The following PITPNM2 variants were observed in gnomAD, a reference collection of about 807,000 sequenced individuals.
The protein encoded by PITPNM2 is membrane-associated phosphatidylinositol transfer protein 2.
A neutral mutation model predicts 132.2 loss-of-function variants in PITPNM2; 35 were observed. The observed-to-expected ratio is 0.26, with a 90% CI of 0.20 to 0.35. PITPNM2 has a LOEUF of 0.35. Ranked by LOEUF, PITPNM2 falls within the 10% of genes least tolerant of loss-of-function variation. The probability of loss-of-function intolerance (pLI) is 1.00; values close to 1 mark genes in which losing one functional copy is unlikely to be tolerated. For synonymous variants in PITPNM2, 738 were observed against 799.2 expected (o/e 0.92, Z 1.29); for missense variants, 1,332 against 1,912.0 (o/e 0.70, Z 5.66).
intron 1 of PITPNM2, among the ~76,000 whole-genome samples, chr12:123,141,713 G>A (rs779314598): frequency 7.2e-5 from 11 of 152,124 alleles, no homozygotes; most frequent in Non-Finnish European, 1.6e-4. Flanking sequence ...AGGCCACCAA[G>A]ACAAACCTGA....
chr12:123,140,329 C>A (rs1370691651), intron 1 of PITPNM2, among the ~76,000 whole-genome samples: 1 of 152,198 alleles, frequency 6.6e-6, no homozygotes, highest in African/African-American at 2.4e-5. Context: ...AAAGTGGGCA[C>A]CCCCAGAGGA....
chr12:123,074,130 G>T (rs533843270), intron 2 of PITPNM2, among the ~76,000 whole-genome samples: 7 of 152,354 alleles, frequency 4.6e-5, no homozygotes, highest in African/African-American at 1.2e-4. Flanking sequence ...TTCTGGTTCT[G>T]CCTTCACAGG....
chr12:122,989,331 C>T (rs2038082914), intron 18 of PITPNM2, among the ~76,000 whole-genome samples: 1 of 152,168 alleles, frequency 6.6e-6, no homozygotes, highest in African/African-American at 2.4e-5. Flanking sequence ...ACCTGGGCCA[C>T]CCTACGAGCC....
chr12:123,106,582 GT>G lies in PITPNM2; in HGVS notation c.-96+3802del, dbSNP rs752087053. Among the ~76,000 whole-genome samples, 1 of 152,196 alleles carries G rather than the reference GT, an allele frequency of 6.6e-6. No individual in the cohort carries two copies. Among genetic ancestry groups the G allele is most frequent in the Non-Finnish European group, 1.5e-5 (1 of 68,028 alleles). On this transcript the variant is annotated intron_variant, in intron 2 of 25. Transcript: ENST00000320201. This position sits in a 1 kb window ranked among gnomAD's most constrained non-coding sequence, Gnocchi z 4.4. ...AGCCCTGCGTACTGAGCAGCGTCAG[GT>G]GTGTGTCAAAGAACCATATCAATAA... is the stretch of plus-strand genomic sequence containing the variant.
chr12:123,114,508 G>A (rs535056726), intron 1 of PITPNM2, among the ~76,000 whole-genome samples: 48 of 149,650 alleles, frequency 3.2e-4, no homozygotes, highest in African/African-American at 9.4e-4. Context: ...GCCCAGTAAC[G>A]CCAGGAAATG....
At chr12:123,002,962 C>T (rs1247113375) in intron 8 of PITPNM2, among the ~76,000 whole-genome samples, 1 of 152,184 alleles carries the variant, frequency 6.6e-6, no homozygotes, top group Non-Finnish European at 1.5e-5. Flanking sequence ...TGGTCTCAAA[C>T]TCCTGGGCTC....
intron 2 of PITPNM2, among the ~76,000 whole-genome samples, chr12:123,067,584 AG>A: frequency 6.6e-6 from 1 of 152,312 alleles, no homozygotes; most frequent in South Asian, 2.1e-4. Context: ...TGCAGCCACA[AG>A]CCAAGGAACA....
At chr12:123,098,628 T>C (rs1402059865) in intron 2 of PITPNM2, among the ~76,000 whole-genome samples, 2 of 152,148 alleles carry the variant, frequency 1.3e-5, no homozygotes, top group African/African-American at 4.8e-5. Context: ...GGAGGATTGC[T>C]TGAGCCCAGG....
rs1026366631 is a variant in PITPNM2, at chr12:123,051,896, T to C, written c.-95-17211A>G. 7.8e-5 allele frequency among the ~76,000 whole-genome samples: 11 copies of C among 141,790 alleles called. No homozygotes were observed. In the East Asian group the frequency reaches 1.1e-3, roughly 14 times the overall value. 93.0% of individuals were successfully genotyped at this position (141,790 alleles called of 152,430 possible). A position where few individuals can be genotyped will look rare whatever the true frequency, so the allele number is the denominator to read the frequency against. ...GTCATGTAAGTTCATCTTTCTCGTT[T>C]TTCCATTCTATTCTTTTTTTTTTTT... On this transcript the variant is annotated intron_variant, in intron 2 of 25. Transcript: ENST00000320201.
rs2040097393 is a variant in PITPNM2, at chr12:123,031,725, C to A, written c.78+2788G>T. On this transcript the variant is annotated intron_variant, in intron 3 of 25. Transcript: ENST00000320201. This position sits in a 1 kb window ranked among gnomAD's most constrained non-coding sequence, Gnocchi z 4.5. ...GAACACCAACAGCCTTGCCCCCAAT[C>A]TCCCCTCCAAGCATGCTAGTGCCTG... Among the ~76,000 whole-genome samples, 1 of 152,234 alleles carries A rather than the reference C, an allele frequency of 6.6e-6. No individual in the cohort carries two copies. The highest frequency in any genetic ancestry group is 2.4e-5 in the African/African-American group (1 of 41,458).
chr12:123,020,793 C>T (rs2039635698), intron 3 of PITPNM2, among the ~76,000 whole-genome samples: 2 of 151,956 alleles, frequency 1.3e-5, no homozygotes, highest in Non-Finnish European at 1.5e-5. Flanking sequence ...GAGGCTGAGG[C>T]AGGCAGATCA....
rs2042375229 is a variant in PITPNM2, at chr12:123,095,196, C to T, written c.-96+15189G>A. On this transcript the variant is annotated intron_variant, in intron 2 of 25. Transcript: ENST00000320201. This position sits in a 1 kb window ranked among gnomAD's most constrained non-coding sequence, Gnocchi z 5.0. ...TGGTGAGGGGGCCCAGGGGAATGGG[C>T]TGCTCCCCTGGGGAGTCGGTTATCT... Among the ~76,000 whole-genome samples the T allele has an allele frequency of 6.6e-6, 1 of 152,146 alleles. No homozygotes were observed. Among genetic ancestry groups the T allele is most frequent in the East Asian group, 1.9e-4 (1 of 5,184 alleles).
chr12:122,995,064 C>T, intron 14 of PITPNM2, 85 bp from the exon 15 acceptor site: 1 of 1,406,118 alleles, frequency 7.1e-7, no homozygotes, highest in African/African-American at 1.4e-5. Flanking sequence ...CAGGTCCCAA[C>T]CTCTCTCGGG....
rs866596563 is a variant in PITPNM2, at chr12:123,036,027, C to A, written c.-95-1342G>T. On this transcript the variant is annotated intron_variant, in intron 2 of 25. Coordinates refer to ENST00000320201, the MANE Select transcript of PITPNM2 (RefSeq NM_020845.3). This position sits in a 1 kb window ranked among gnomAD's most constrained non-coding sequence, Gnocchi z 4.1. Reference sequence around the variant, plus strand: ...ATGCACGCCACCCACACCCGGCTAACGGTAGTATTTTAGCAAGACTACTCC... The same window carrying A: ...ATGCACGCCACCCACACCCGGCTAAAGGTAGTATTTTAGCAAGACTACTCC... 6.6e-6 allele frequency among the ~76,000 whole-genome samples: 1 copy of A among 152,010 alleles called. No individual in the cohort carries two copies. The highest frequency in any genetic ancestry group is 1.5e-5 in the Non-Finnish European group (1 of 68,008).
At position 123,086,049 on chromosome 12, in the gene PITPNM2, C is replaced by A. The variant is rs369867727; in HGVS notation, c.-96+24336G>T. On this transcript the variant is annotated intron_variant, in intron 2 of 25. Transcript: ENST00000320201. ...CACCCTTTTCCTGAAATGCACTTCC[C>A]GATATTCCGTAACCTGCTTCCTACG... is the stretch of plus-strand genomic sequence containing the variant. 5.3e-4 allele frequency among the ~76,000 whole-genome samples: 80 copies of A among 152,350 alleles called. No homozygotes were observed. The East Asian group carries it at 0.01, about 20-fold the overall frequency.
chr12:123,014,021 A>T lies in PITPNM2; in HGVS notation c.100T>A (p.Tyr34Asn), dbSNP rs376562298. 44 of 1,614,044 alleles carry T rather than the reference A, an allele frequency of 2.7e-5. No homozygotes were observed. The highest frequency in any genetic ancestry group is 3.4e-5 in the Non-Finnish European group (40 of 1,180,024). Residue 34 changes from tyrosine (Y) to asparagine (N), a missense_variant, in exon 4 of 26, where the codon TAT becomes AAT. Coordinates refer to ENST00000320201, the MANE Select transcript of PITPNM2 (RefSeq NM_020845.3). Reference protein sequence around the residue: ...MIQKKSRNETYGEGSGVEILE... With the variant: ...MIQKKSRNETNGEGSGVEILE... ...ATCTCCACGCCGCTGCCTTCGCCATATGTCTCGTTACGGCTCTTCTTCTGT... is the reference window on the plus strand; with the variant it reads ...ATCTCCACGCCGCTGCCTTCGCCATTTGTCTCGTTACGGCTCTTCTTCTGT...
In PITPNM2 at chr12:122,983,778, G is replaced by GT. The variant is rs1380718460; in HGVS notation, c.*2248dup. 5 of 152,430 alleles carry GT rather than the reference G, an allele frequency of 3.3e-5. No individual in the cohort carries two copies. The highest frequency in any genetic ancestry group is 7.3e-5 in the Non-Finnish European group (5 of 68,060). The allele number at this position is 152,430 out of a possible 1,614,324, so 9.4% of individuals were successfully genotyped here. On this transcript the variant is annotated 3_prime_UTR_variant, in exon 26 of 26. Coordinates refer to ENST00000320201, the MANE Select transcript of PITPNM2 (RefSeq NM_020845.3). Reference sequence around the variant, plus strand: ...GGTGGGGCGTGGGGGTGTGGTGGGAGTGGGACTAAGGCTTCTATTCTAACA... The same window carrying GT: ...GGTGGGGCGTGGGGGTGTGGTGGGAGTTGGGACTAAGGCTTCTATTCTAACA...
At chr12:123,087,917 A>G (rs1217156982) in intron 2 of PITPNM2, 2 of 152,274 alleles carry the variant, frequency 1.3e-5, no homozygotes, top group Admixed American at 6.5e-5. Flanking sequence ...AGCAATACAG[A>G]ATTTCTAACT....
intron 2 of PITPNM2, among the ~76,000 whole-genome samples, chr12:123,053,894 T>C (rs936146066): frequency 7.2e-5 from 11 of 152,140 alleles, no homozygotes; most frequent in African/African-American, 2.2e-4. Flanking sequence ...ATATTGACAT[T>C]GATACACTCT....
Sources: gnomAD v4.1 joint callset for allele counts (sites outside exome capture counted in the v4.1 genomes callset) on GRCh38, gnomAD v4.1.1 for gene constraint, Gnocchi (gnomAD v3.1) non-coding constraint, MANE v1.5 for transcripts, NCBI Gene and HGNC (gene_info 2026-07-23, HGNC 2026-07-21) for gene names.